The following TGM6 variants were observed in gnomAD, a reference collection of about 807,000 sequenced individuals.
TGM6 encodes the protein transglutaminase 6, also known as protein-glutamine gamma-glutamyltransferase 6.
TGM6 carries 74 observed loss-of-function variants against 77.5 expected under a neutral mutation model. The observed-to-expected ratio is 0.96, with a 90% confidence interval of 0.79 to 1.16. The LOEUF is 1.16. TGM6 is among the 50% of genes most tolerant of loss of function. The pLI is 0.00. For missense variants in TGM6, 968 were observed against 940.2 expected (o/e 1.03, Z -0.39); for synonymous variants, 383 against 378.9 (o/e 1.01, Z -0.12).
chr20:2,421,963 C>T (rs1311001626), intron 10 of TGM6, among the ~76,000 whole-genome samples: 2 of 152,122 alleles, frequency 1.3e-5, no homozygotes, highest in Admixed American at 1.3e-4. Context: ...GAAACCTCAT[C>T]TCTACTAAAA....
Position 2,431,026 on chromosome 20 carries a change from G to A in TGM6, c.1966G>A (p.Asp656Asn), listed in dbSNP as rs1408958125. 9.3e-6 allele frequency: 15 copies of A among 1,613,828 alleles called. No homozygotes were observed. Among genetic ancestry groups the A allele is most frequent in the Middle Eastern group, 1.6e-4 (1 of 6,084 alleles). ...SGLLQEQLSI[D>N]VPTLEPQERA... ...CCTTCTCCAGGAACAGCTCAGCATC[G>A]AGTAAGTGCCAGCCTGGGGGGCTGG... Residue 656 changes from aspartate (D) to asparagine (N), a missense_variant and splice_region_variant, in exon 12 of 13, where the codon GAC becomes AAC. Physicochemically the swap from Asp to Asn is conservative, Grantham distance 23. Transcript: ENST00000202625.
chr20:2,394,486 G>A lies in TGM6; in HGVS notation c.42G>A (p.Ser14=), dbSNP rs149394698. 10,325 of 1,611,560 alleles carry A rather than the reference G, an allele frequency of 6.4e-3. 69 individuals carry two copies. The highest frequency in any genetic ancestry group is 6.1e-3 in the Non-Finnish European group (7,186 of 1,179,846). ...IRVTKVDWQR[S]RNGAAHHTQE... ...TCACCAAGGTGGACTGGCAGCGGTC[G>A]AGGAATGGCGCTGCCCACCACACCC... Residue 14 remains serine (S), a synonymous_variant, in exon 2 of 13, where the codon TCG becomes TCA. Transcript: ENST00000202625.
At chr20:2,407,637 A>G (rs151275190) in intron 9 of TGM6, among the ~76,000 whole-genome samples, 1 of 152,360 alleles carries the variant, frequency 6.6e-6, no homozygotes, top group East Asian at 1.9e-4. Flanking sequence ...AAATCATTTT[A>G]TGGATAAGCA....
intron 10 of TGM6, among the ~76,000 whole-genome samples, chr20:2,418,781 T>TA (rs1477383114): frequency 2.0e-5 from 3 of 152,242 alleles, no homozygotes; most frequent in South Asian, 2.1e-4. Context: ...ACTGTTTCTT[T>TA]AAAAATATAT....
In TGM6 at chr20:2,399,545, G is replaced by A; in HGVS notation, c.673-16G>A. 1 of 1,612,294 alleles carries A rather than the reference G, an allele frequency of 6.2e-7. No individual in the cohort carries two copies. The highest frequency in any genetic ancestry group is 8.5e-7 in the Non-Finnish European group (1 of 1,179,874). On this transcript the variant is annotated splice_polypyrimidine_tract_variant and intron_variant, in intron 5 of 12. Coordinates refer to ENST00000202625, the MANE Select transcript of TGM6 (RefSeq NM_198994.3). ...AAGCCCTGCCTGGTTGTGGACCCGT[G>A]CCCTCCTCTGCCCAGGTGAACAGCA... is the stretch of plus-strand genomic sequence containing the variant.
intron 11 of TGM6, 71 bp downstream of exon 11, chr20:2,430,671 G>A (rs2122442646): frequency 1.2e-6 from 2 of 1,609,296 alleles, no homozygotes; most frequent in Non-Finnish European, 1.7e-6. Context: ...GAGGGCGTCA[G>A]AAGCTGGGGG....
Position 2,417,294 on chromosome 20 carries a change from T to TTA in TGM6, c.1399_1400insTA (p.Ser467LeufsTer37), listed in dbSNP as rs772182096. On this transcript the variant is annotated frameshift_variant, in exon 10 of 13. Coordinates refer to ENST00000202625, the MANE Select transcript of TGM6 (RefSeq NM_198994.3). LOFTEE classifies it high-confidence loss of function. The stretch of plus-strand genomic sequence containing the variant: ...GAACAGGCTGTTCGGCGTGGAAGCC[T>TTA]CTGGAAGGAGAATCTGGATCCGCAG... 4.3e-6 allele frequency: 7 copies of TTA among 1,612,582 alleles called. No homozygotes were observed. Among genetic ancestry groups the TTA allele is most frequent in the African/African-American group, 1.3e-5 (1 of 74,900 alleles).
intron 9 of TGM6, 106 bp downstream of exon 9, chr20:2,403,929 C>CTGGGGTGGAA: frequency 6.4e-7 from 1 of 1,572,766 alleles, no homozygotes; most frequent in Non-Finnish European, 8.7e-7. Context: ...ATGTATATGA[C>CTGGGGTGGAA]GCTGACAGCA....
rs7269048 is a variant in TGM6, at chr20:2,431,146, C to T, written c.1967+119C>T. On this transcript the variant is annotated intron_variant, in intron 12 of 12. Coordinates refer to ENST00000202625, the MANE Select transcript of TGM6 (RefSeq NM_198994.3). The stretch of plus-strand genomic sequence containing the variant: ...ATTCTGGACACCCCAGGAACCAGCC[C>T]ACAGACTATACATATCAGCCTTCAT... 489,037 of 1,284,442 alleles carry T rather than the reference C, an allele frequency of 0.38. 97,657 individuals are homozygous for T. The highest frequency in any genetic ancestry group is 0.63 in the African/African-American group (42,721 of 67,848). The allele number at this position is 1,284,442 out of a possible 1,614,324, so 79.6% of individuals were successfully genotyped here. A position where few individuals can be genotyped will look rare whatever the true frequency, so the allele number is the denominator to read the frequency against.
chr20:2,395,167 C>T (rs774112747), intron 2 of TGM6, 27 bp from the exon 3 acceptor site: 2 of 1,609,308 alleles, frequency 1.2e-6, no homozygotes, highest in East Asian at 2.2e-5. Flanking sequence ...GGGGAAGGGT[C>T]TCCTGATTCC....
intron 7 of TGM6, 151 bp from the exon 8 acceptor site, chr20:2,403,246 G>C (rs2122374130): frequency 2.6e-6 from 2 of 759,724 alleles, no homozygotes; most frequent in East Asian, 2.7e-5. Context: ...TGTGAATGCT[G>C]TGTGCTCATT....
rs2084658350 is a variant in TGM6 at position 2,395,439 on chromosome 20, A to G, written c.424+3A>G. 6 of 1,614,116 alleles carry G rather than the reference A, an allele frequency of 3.7e-6. No individual in the cohort carries two copies. Among genetic ancestry groups the G allele is most frequent in the Admixed American group, 3.3e-5 (2 of 60,010 alleles). ...CCTTTTCAACCCATGGTGTGCAGGT[A>G]GGAGTGGCCAAGTCCAATGCAGAGG... On this transcript the variant is annotated splice_donor_region_variant and intron_variant, in intron 3 of 12. Transcript: ENST00000202625.
chr20:2,387,292 G>A (rs185358160), intron 1 of TGM6, among the ~76,000 whole-genome samples: 5 of 152,302 alleles, frequency 3.3e-5, no homozygotes, highest in African/African-American at 1.2e-4. Flanking sequence ...AGAATGACTG[G>A]GGCTAACTTG....
intron 9 of TGM6, among the ~76,000 whole-genome samples, chr20:2,407,845 G>A (rs73892408): frequency 0.083 from 12,622 of 152,188 alleles, 676 homozygotes; most frequent in East Asian, 0.23. Flanking sequence ...ACCCTCCTGA[G>A]TGTCAGGCAT....
intron 1 of TGM6, among the ~76,000 whole-genome samples, chr20:2,381,853 G>C (rs1010781127): frequency 3.3e-5 from 5 of 152,204 alleles, no homozygotes; most frequent in Non-Finnish European, 7.4e-5. Context: ...AGGAGGTAGA[G>C]GCTACAGTGA....
intron 10 of TGM6, among the ~76,000 whole-genome samples, chr20:2,418,775 T>A (rs1262730726): frequency 1.3e-5 from 2 of 152,228 alleles, no homozygotes; most frequent in African/African-American, 2.4e-5. Context: ...ATTCCAACTG[T>A]TTCTTTAAAA....
At chr20:2,392,542 A>C (rs2084636116) in intron 1 of TGM6, among the ~76,000 whole-genome samples, 1 of 152,200 alleles carries the variant, frequency 6.6e-6, no homozygotes, top group Non-Finnish European at 1.5e-5. Context: ...ACTCTAAATG[A>C]CAGGGGCCAT....
chr20:2,430,837 G>C, intron 11 of TGM6, 57 bp from the exon 12 acceptor site: 1 of 1,613,760 alleles, frequency 6.2e-7, no homozygotes, highest in Non-Finnish European at 8.5e-7. Context: ...CAGGACCATC[G>C]GTTTCCTGGA....
chr20:2,399,500 G>A (rs1403751210), intron 5 of TGM6, 61 bp from the exon 6 acceptor site: 12 of 1,610,894 alleles, frequency 7.4e-6, no homozygotes, highest in South Asian at 1.1e-5. Flanking sequence ...ATTTGACCAC[G>A]ATGCGGTTCT....
Sources: gnomAD v4.1 joint callset for allele counts (sites outside exome capture counted in the v4.1 genomes callset) on GRCh38, gnomAD v4.1.1 for gene constraint, MANE v1.5 for transcripts, NCBI Gene and HGNC (gene_info 2026-07-23, HGNC 2026-07-21) for gene names.